FAM177A1: variants seen among roughly 807,000 people sequenced by gnomAD.
The protein encoded by FAM177A1 is protein FAM177A1.
A neutral mutation model predicts 26.1 loss-of-function variants in FAM177A1; 22 were observed. The observed-to-expected ratio is 0.84, with a 90% CI of 0.60 to 1.20. The LOEUF is 1.20. Ranked by LOEUF, FAM177A1 falls within the 50% of genes most tolerant of loss-of-function variation. FAM177A1 has a pLI of 0.00. For missense variants in FAM177A1, 296 were observed against 291.1 expected, an observed-to-expected ratio of 1.02 and a Z score of -0.12; for synonymous variants, 95 against 99.3, an observed-to-expected ratio of 0.96 and a Z score of 0.26.
intron 2 of FAM177A1, among the ~76,000 whole-genome samples, chr14:35,063,016 C>G (rs1471258435): frequency 6.7e-6 from 1 of 149,168 alleles, no homozygotes; most frequent in Non-Finnish European, 1.5e-5. Context: ...TGCGGTGGAC[C>G]ACGCCTGTAA....
At chr14:35,073,220 C>T (rs557208533) in intron 2 of FAM177A1, among the ~76,000 whole-genome samples, 1 of 152,280 alleles carries the variant, frequency 6.6e-6, no homozygotes, top group Non-Finnish European at 1.5e-5. Context: ...CAGGTGCACG[C>T]TGCCATGCCC....
At chr14:35,077,530 C>T (rs555157952) in intron 3 of FAM177A1, among the ~76,000 whole-genome samples, 13 of 127,626 alleles carry the variant, frequency 1.0e-4, no homozygotes, top group Non-Finnish European at 1.4e-4. Flanking sequence ...GGCCGGACTG[C>T]GGACTGCAGT....
At chr14:35,052,263 G>A (rs758916933) in intron 1 of FAM177A1, among the ~76,000 whole-genome samples, 12 of 148,244 alleles carry the variant, frequency 8.1e-5, no homozygotes, top group Non-Finnish European at 1.6e-4. Context: ...TTTTTTTTCC[G>A]AGATGGAGTC....
At chr14:35,051,125 A>G (rs1016263099) in intron 1 of FAM177A1, among the ~76,000 whole-genome samples, 3 of 151,958 alleles carry the variant, frequency 2.0e-5, no homozygotes, top group African/African-American at 7.3e-5. Context: ...ATAGTTTATT[A>G]TTTTTATTTT....
chr14:35,080,895 C>T (rs1595060939), intron 4 of FAM177A1, 127 bp from the exon 5 acceptor site: 3 of 1,328,178 alleles, frequency 2.3e-6, no homozygotes, highest in Non-Finnish European at 9.8e-7. Context: ...TTAGACCAAA[C>T]TGATTTGAAC....
At chr14:35,047,614 T>G (rs969386711) in intron 1 of FAM177A1, among the ~76,000 whole-genome samples, 1 of 152,148 alleles carries the variant, frequency 6.6e-6, no homozygotes, top group Non-Finnish European at 1.5e-5. Flanking sequence ...CTGGGCGTGG[T>G]GGCGCTCGCC....
chr14:35,075,105 G>A (rs1169435852), intron 2 of FAM177A1, among the ~76,000 whole-genome samples: 1 of 152,096 alleles, frequency 6.6e-6, no homozygotes, highest in Non-Finnish European at 1.5e-5. Flanking sequence ...TGTTTTCTTT[G>A]GATAAACGTA....
At chr14:35,065,730 C>G (rs939243614) in intron 2 of FAM177A1, among the ~76,000 whole-genome samples, 1 of 138,594 alleles carries the variant, frequency 7.2e-6, no homozygotes, top group Non-Finnish European at 1.5e-5. Flanking sequence ...GTCACCCTGT[C>G]GCTCAGGCTG....
chr14:35,074,235 C>G (rs1009001539), intron 2 of FAM177A1, among the ~76,000 whole-genome samples: 1 of 152,222 alleles, frequency 6.6e-6, no homozygotes, highest in African/African-American at 2.4e-5. Context: ...ACCTCCGCCT[C>G]CCGGGTTCAA....
intron 1 of FAM177A1, 135 bp downstream of exon 1, chr14:35,046,763 CCT>C (rs772100207): frequency 5.8e-5 from 81 of 1,393,710 alleles, no homozygotes; most frequent in Non-Finnish European, 6.7e-5. Flanking sequence ...TCACTGCACC[CCT>C]GTTTCTGCTC....
chr14:35,062,131 T>C (rs1437865813), intron 2 of FAM177A1, among the ~76,000 whole-genome samples: 1 of 152,214 alleles, frequency 6.6e-6, no homozygotes, highest in African/African-American at 2.4e-5. Context: ...GGGAGTGGTC[T>C]TAGTTCAGTT....
chr14:35,071,641 G>A (rs917323629), intron 2 of FAM177A1, among the ~76,000 whole-genome samples: 3 of 152,150 alleles, frequency 2.0e-5, no homozygotes, highest in Middle Eastern at 6.8e-3. Flanking sequence ...ATGTTATTCA[G>A]GAATTATTAA....
chr14:35,068,553 T>C (rs1314001605), intron 2 of FAM177A1, among the ~76,000 whole-genome samples: 1 of 152,224 alleles, frequency 6.6e-6, no homozygotes, highest in African/African-American at 2.4e-5. Flanking sequence ...CCATTCTGAT[T>C]CTGGGATTCC....
chr14:35,052,078 G>C (rs1034705926), intron 1 of FAM177A1, among the ~76,000 whole-genome samples: 2 of 152,114 alleles, frequency 1.3e-5, no homozygotes, highest in Non-Finnish European at 2.9e-5. Context: ...CATTACTGTA[G>C]TCCTGTATAT....
intron 2 of FAM177A1, among the ~76,000 whole-genome samples, chr14:35,074,859 G>C (rs2045371094): frequency 6.6e-6 from 1 of 151,804 alleles, no homozygotes; most frequent in Non-Finnish European, 1.5e-5. Context: ...TGGCCAACAT[G>C]GCGAAACCTT....
chr14:35,064,446 C>T (rs76370343), intron 2 of FAM177A1, among the ~76,000 whole-genome samples: 9,219 of 152,112 alleles, frequency 0.061, 362 homozygotes, highest in Middle Eastern at 0.1. Context: ...TGTTACTGTA[C>T]TGTCAGTTGG....
At chr14:35,053,910 T>C (rs1321310573) in intron 2 of FAM177A1, among the ~76,000 whole-genome samples, 1 of 152,116 alleles carries the variant, frequency 6.6e-6, no homozygotes, top group East Asian at 1.9e-4. Context: ...GGAGAATTGC[T>C]TGAATCTGGG....
intron 2 of FAM177A1, among the ~76,000 whole-genome samples, chr14:35,064,279 C>T (rs985992104): frequency 6.6e-6 from 1 of 151,706 alleles, no homozygotes. Context: ...ACCAGCTACT[C>T]GGGAGGCTGA....
intron 2 of FAM177A1, among the ~76,000 whole-genome samples, chr14:35,068,872 G>A (rs555454185): frequency 0.011 from 1,642 of 152,292 alleles, 36 homozygotes; most frequent in African/African-American, 0.038. Context: ...GCAAGAGGGT[G>A]AGAGAGAGAC....
Sources: allele counts gnomAD v4.1 joint callset (sites outside exome capture counted in the v4.1 genomes callset), GRCh38; gene constraint gnomAD v4.1.1; transcripts MANE v1.5; gene names NCBI Gene and HGNC (gene_info 2026-07-23, HGNC 2026-07-21).